Variants in VXN observed in about 807,000 individuals in gnomAD.
The protein encoded by VXN is vexin.
Under a neutral mutation model 23.1 loss-of-function variants are expected in VXN, and 7 were observed. The observed-to-expected ratio is 0.30, with a 90% CI of 0.17 to 0.57. The LOEUF (loss-of-function observed/expected upper bound fraction) is 0.57. Ranked by LOEUF, VXN falls within the 20% of genes least tolerant of loss-of-function variation. The pLI is 0.91. For synonymous variants in VXN, 120 were observed against 105.8 expected (o/e 1.13, Z -0.83); for missense variants, 238 against 272.6 (o/e 0.87, Z 0.89).
intron 3 of VXN, among the ~76,000 whole-genome samples, chr8:66,506,207 C>CAG (rs150065293): frequency 0.042 from 5,843 of 140,060 alleles, 204 homozygotes; most frequent in East Asian, 0.15. Flanking sequence ...ATTTATTTAA[C>CAG]AGAGAGAGAG....
At chr8:66,515,122 A>C (rs1807872053) in intron 5 of VXN, among the ~76,000 whole-genome samples, 1 of 152,224 alleles carries the variant, frequency 6.6e-6, no homozygotes, top group Non-Finnish European at 1.5e-5. Flanking sequence ...TTTAAGTGGC[A>C]ATAGCTGTTG....
intron 2 of VXN, among the ~76,000 whole-genome samples, chr8:66,504,888 G>A (rs180836576): frequency 6.9e-4 from 105 of 152,342 alleles, no homozygotes; most frequent in Admixed American, 1.6e-3. Flanking sequence ...TTGGGCCTGA[G>A]CCCTCTCCCT....
chr8:66,496,617 C>T (rs1316864647), intron 2 of VXN, 125 bp downstream of exon 2: 4 of 819,550 alleles, frequency 4.9e-6, no homozygotes, highest in Admixed American at 2.1e-5. Context: ...CCATGTGGTG[C>T]GTGCTGCACT....
rs1490545789 is a variant in VXN at position 66,504,848 on chromosome 8, CTTCT to C, written c.127-524_127-521del. Among the ~76,000 whole-genome samples, 5 of 152,338 alleles carry C rather than the reference CTTCT, an allele frequency of 3.3e-5. No individual in the cohort carries two copies. The South Asian group carries it at 6.2e-4, about 19-fold the overall frequency. On this transcript the variant is annotated intron_variant, in intron 2 of 5. Transcript: ENST00000305454. ...GCCCCCTGCTCCATTTTGCCAGCAGCTTCTTTATTTTTAAAAATCTGAGACTAAG... is the reference window on the plus strand; with the variant it reads ...GCCCCCTGCTCCATTTTGCCAGCAGCTTATTTTTAAAAATCTGAGACTAAG...
intron 4 of VXN, among the ~76,000 whole-genome samples, chr8:66,511,977 A>T (rs942407320): frequency 6.6e-6 from 1 of 151,932 alleles, no homozygotes; most frequent in Non-Finnish European, 1.5e-5. Flanking sequence ...GAGGCAAGAG[A>T]ATCACTTGAA....
intron 3 of VXN, among the ~76,000 whole-genome samples, chr8:66,508,740 C>A (rs999250441): frequency 1.3e-5 from 2 of 152,178 alleles, no homozygotes; most frequent in Admixed American, 1.3e-4. Flanking sequence ...CTGGCTTCAT[C>A]ATAACTGTTA....
intron 2 of VXN, among the ~76,000 whole-genome samples, chr8:66,503,019 G>T (rs369472494): frequency 1.4e-4 from 21 of 152,084 alleles, no homozygotes; most frequent in Middle Eastern, 3.4e-3. Context: ...GCTAGTTTTT[G>T]TATTTTTTTG....
chr8:66,515,349 C>T (rs772288842), intron 5 of VXN, among the ~76,000 whole-genome samples: 2 of 152,222 alleles, frequency 1.3e-5, no homozygotes, highest in Admixed American at 6.5e-5. Context: ...GGCATGAACA[C>T]ATGTTGAGGC....
chr8:66,509,402 T>A (rs1254935579), intron 3 of VXN, among the ~76,000 whole-genome samples: 1 of 152,120 alleles, frequency 6.6e-6, no homozygotes, highest in Non-Finnish European at 1.5e-5. Context: ...GAAAGAAGGT[T>A]CTCTAAGGTT....
In VXN at chr8:66,516,809, C is replaced by A. The variant is rs1194279334; in HGVS notation, c.*733C>A. 1 of 152,156 alleles carries A rather than the reference C, an allele frequency of 6.6e-6. No individual in the cohort carries two copies. Among genetic ancestry groups the A allele is most frequent in the African/African-American group, 2.4e-5 (1 of 41,426 alleles). 9.4% of individuals were successfully genotyped at this position (152,156 alleles called of 1,614,324 possible). On this transcript the variant is annotated 3_prime_UTR_variant, in exon 6 of 6. Coordinates refer to ENST00000305454, the MANE Select transcript of VXN (RefSeq NM_152765.4). Reference sequence around the variant, plus strand: ...CCGTTATCTCTTATCTTCACAAAACCCCTGTGGAAGAAAGCACAATTATTC... The same window carrying A: ...CCGTTATCTCTTATCTTCACAAAACACCTGTGGAAGAAAGCACAATTATTC...
chr8:66,504,407 C>G (rs903676586), intron 2 of VXN, among the ~76,000 whole-genome samples: 1 of 151,556 alleles, frequency 6.6e-6, no homozygotes, highest in African/African-American at 2.4e-5. Context: ...CACCACCGCC[C>G]CCCCACCCCC....
At chr8:66,507,142 A>C (rs922227414) in intron 3 of VXN, among the ~76,000 whole-genome samples, 2 of 152,204 alleles carry the variant, frequency 1.3e-5, no homozygotes, top group Non-Finnish European at 2.9e-5. Flanking sequence ...CTCTGGGCAC[A>C]ACATATTGAG....
intron 2 of VXN, among the ~76,000 whole-genome samples, chr8:66,497,860 C>CA (rs1430504663): frequency 2.0e-5 from 3 of 151,648 alleles, no homozygotes; most frequent in Non-Finnish European, 4.4e-5. Flanking sequence ...CCCGACTCTA[C>CA]AAAAAAGTCA....
At chr8:66,505,273 C>A in intron 2 of VXN, 102 bp from the exon 3 acceptor site, 1 of 1,446,158 alleles carries the variant, frequency 6.9e-7, no homozygotes, top group Non-Finnish European at 9.5e-7. Flanking sequence ...TCCAGAAACT[C>A]CCTCGATGCG....
chr8:66,507,539 A>G (rs908120651), intron 3 of VXN, among the ~76,000 whole-genome samples: 15 of 152,188 alleles, frequency 9.9e-5, no homozygotes, highest in Non-Finnish European at 2.2e-4. Flanking sequence ...TGTCTTTCCA[A>G]CTGTCGAGTT....
At chr8:66,512,065 CAA>C (rs35689084) in intron 4 of VXN, among the ~76,000 whole-genome samples, 75 of 68,298 alleles carry the variant, frequency 1.1e-3, no homozygotes, top group African/African-American at 2.9e-3. Context: ...AACTCAGTTT[CAA>C]AAAAAAAAAA....
chr8:66,512,185 G>A (rs1311561270), intron 4 of VXN, among the ~76,000 whole-genome samples: 1 of 152,184 alleles, frequency 6.6e-6, no homozygotes, highest in Non-Finnish European at 1.5e-5. Context: ...ACACCAGCAT[G>A]GGAGAGCAAT....
At position 66,496,453 on chromosome 8, in the gene VXN, A is replaced by G. The variant is rs373155514; in HGVS notation, c.87A>G (p.Arg29=). ...TCTTTGCAGTATCCAGTCCAGCCAG[A>G]AGAAGAGCCAAAAGCTCTCAGCACC... ...VIPSKVSSPA[R]RRAKSSQHLL... is the part of the protein sequence containing the mutation. The change falls in exon 2 of 6, where the codon AGA becomes AGG. Residue 29 remains arginine, a synonymous_variant. Coordinates refer to ENST00000305454, the MANE Select transcript of VXN (RefSeq NM_152765.4). 15 of 1,614,100 alleles carry G rather than the reference A, an allele frequency of 9.3e-6. No individual in the cohort carries two copies. In the African/African-American group the frequency reaches 1.6e-4, roughly 17 times the overall value.
chr8:66,499,799 T>C (rs146206488), intron 2 of VXN, among the ~76,000 whole-genome samples: 23 of 152,236 alleles, frequency 1.5e-4, no homozygotes, highest in African/African-American at 5.5e-4. Context: ...AATTTGCTTT[T>C]TTCTCTTAAT....
Sources: allele counts gnomAD v4.1 joint callset (sites outside exome capture counted in the v4.1 genomes callset), GRCh38; gene constraint gnomAD v4.1.1; transcripts MANE v1.5; gene names NCBI Gene and HGNC (gene_info 2026-07-23, HGNC 2026-07-21).